The following SORCS2 variants were observed in gnomAD, a reference collection of about 807,000 sequenced individuals.
The protein encoded by SORCS2 is VPS10 domain-containing receptor SorCS2.
Under a neutral mutation model 141.6 loss-of-function variants are expected in SORCS2, and 100 were observed. That is an observed-to-expected ratio of 0.71 (90% CI 0.60 to 0.83). The LOEUF is 0.83. Among genes scored for constraint, SORCS2 ranks in the 40% least tolerant of loss-of-function variants. The pLI, the probability that SORCS2 is intolerant of heterozygous loss-of-function variation, is 0.00. For synonymous variants in SORCS2, 789 were observed against 676.9 expected, an observed-to-expected ratio of 1.17 and a Z score of -2.57; for missense variants, 1,646 against 1,560.2, an observed-to-expected ratio of 1.05 and a Z score of -0.93.
rs115357528 is a variant in SORCS2 at position 7,551,073 on chromosome 4, T to C, written c.648+19444T>C. ...CTGGATTTGTCCAGGGAAGGCCACT[T>C]TGTTCCTAGAAGTTCTGCCTAGCCC... On this transcript the variant is annotated intron_variant, in intron 3 of 26. Transcript: ENST00000507866. Among the ~76,000 whole-genome samples, 551 of 152,346 alleles carry C rather than the reference T, an allele frequency of 3.6e-3. 6 individuals are homozygous for C. The highest frequency in any genetic ancestry group is 0.013 in the African/African-American group (526 of 41,570).
At chr4:7,199,090 G>C (rs1420571296) in intron 1 of SORCS2, among the ~76,000 whole-genome samples, 2 of 152,198 alleles carry the variant, frequency 1.3e-5, no homozygotes, top group Non-Finnish European at 2.9e-5. Flanking sequence ...CCATCCTTCT[G>C]ATTCTCCTGT....
At chr4:7,244,274 G>A (rs1026542769) in intron 1 of SORCS2, among the ~76,000 whole-genome samples, 1 of 152,184 alleles carries the variant, frequency 6.6e-6, no homozygotes, top group Non-Finnish European at 1.5e-5. Context: ...AGCTTGGGGG[G>A]TGAGTTTCTC....
At chr4:7,666,433 G>A (rs890933241) in intron 7 of SORCS2, among the ~76,000 whole-genome samples, 1 of 152,120 alleles carries the variant, frequency 6.6e-6, no homozygotes, top group African/African-American at 2.4e-5. Flanking sequence ...CCCAGCCCAG[G>A]CCTCCCCTGC....
At chr4:7,210,587 C>G (rs1031988102) in intron 1 of SORCS2, among the ~76,000 whole-genome samples, 2 of 152,164 alleles carry the variant, frequency 1.3e-5, no homozygotes, top group Non-Finnish European at 2.9e-5. Flanking sequence ...GGATCAAACG[C>G]TTGACCTTGA....
At chr4:7,726,412 A>C (rs1158201043) in intron 20 of SORCS2, among the ~76,000 whole-genome samples, 1 of 152,102 alleles carries the variant, frequency 6.6e-6, no homozygotes, top group African/African-American at 2.4e-5. Flanking sequence ...GTCTCTACTA[A>C]AAATACAAAA....
chr4:7,338,130 G>T (rs1560203214), intron 1 of SORCS2, among the ~76,000 whole-genome samples: 1 of 151,740 alleles, frequency 6.6e-6, no homozygotes, highest in African/African-American at 2.4e-5. Context: ...TGGATGGATG[G>T]ATGGATGTTG....
intron 14 of SORCS2, 141 bp from the exon 15 acceptor site, chr4:7,712,592 T>C: frequency 7.8e-7 from 1 of 1,274,378 alleles, no homozygotes; most frequent in South Asian, 1.4e-5. Context: ...AGCCTCGCTC[T>C]GATCTCCAGC....
At chr4:7,628,316 A>T (rs569439719) in intron 3 of SORCS2, among the ~76,000 whole-genome samples, 13 of 152,200 alleles carry the variant, frequency 8.5e-5, no homozygotes, top group African/African-American at 3.1e-4. Context: ...AGGTCAGGAG[A>T]TCCAGACCAT....
At chr4:7,267,905 C>T (rs994572336) in intron 1 of SORCS2, among the ~76,000 whole-genome samples, 7 of 152,252 alleles carry the variant, frequency 4.6e-5, no homozygotes, top group Non-Finnish European at 7.3e-5. Flanking sequence ...ATGAGACGAG[C>T]AGCTCCTGTT....
chr4:7,359,932 C>T (rs1288886783), intron 1 of SORCS2, among the ~76,000 whole-genome samples: 2 of 152,144 alleles, frequency 1.3e-5, no homozygotes, highest in African/African-American at 4.8e-5. Context: ...TGCTGCTCTT[C>T]ACGGGGAAAG....
rs571355563 is a variant in SORCS2 at position 7,498,771 on chromosome 4, G to A, written c.549-32759G>A. ...TGCCTACTGGGTGTCAGGGCTGCCC[G>A]GGAGCTGGGAATGCCAGCATGAGCA... On this transcript the variant is annotated intron_variant, in intron 2 of 26. Transcript: ENST00000507866. Among the ~76,000 whole-genome samples the A allele has an allele frequency of 4.8e-4, 73 of 152,366 alleles. No individual in the cohort carries two copies. In the South Asian group the frequency reaches 7.7e-3, roughly 16 times the overall value.
At chr4:7,708,731 A>G (rs1382805343) in intron 14 of SORCS2, among the ~76,000 whole-genome samples, 1 of 152,188 alleles carries the variant, frequency 6.6e-6, no homozygotes, top group African/African-American at 2.4e-5. Context: ...ACGTGACTTC[A>G]GGCCATTCTC....
chr4:7,725,048 T>C (rs1727114367), intron 19 of SORCS2, 106 bp from the exon 20 acceptor site: 1 of 1,225,998 alleles, frequency 8.2e-7, no homozygotes, highest in Non-Finnish European at 1.1e-6. Context: ...GTAGTGGTGG[T>C]GGTGATGATA....
At chr4:7,590,821 G>A (rs557059218) in intron 3 of SORCS2, among the ~76,000 whole-genome samples, 21 of 152,220 alleles carry the variant, frequency 1.4e-4, no homozygotes, top group Non-Finnish European at 2.8e-4. Context: ...CTGGCCTCCA[G>A]AATTGTAAGA....
intron 2 of SORCS2, among the ~76,000 whole-genome samples, chr4:7,477,377 CGTGGCTGATTGGGGCTGACATGGCTGACT>C (rs1251071925): frequency 1.3e-4 from 18 of 136,562 alleles, no homozygotes; most frequent in Non-Finnish European, 2.8e-4. Context: ...CGTGGCTGAC[CGTGGCTGATTGGGGCTGACATGGCTGACT>C]GGGGCTGACC....
At chr4:7,297,086 T>TG (rs35236907) in intron 1 of SORCS2, among the ~76,000 whole-genome samples, 40,916 of 151,912 alleles carry the variant, frequency 0.27, 6,156 homozygotes, top group Admixed American at 0.4. Context: ...TCAGAGTGCC[T>TG]GGGGGGGTCC....
intron 1 of SORCS2, among the ~76,000 whole-genome samples, chr4:7,290,027 C>T (rs911446501): frequency 3.3e-5 from 5 of 152,184 alleles, no homozygotes; most frequent in African/African-American, 9.7e-5. Context: ...GGACTCCACA[C>T]GGGAGGGCTG....
At chr4:7,523,570 G>C (rs992615712) in intron 2 of SORCS2, among the ~76,000 whole-genome samples, 2 of 151,984 alleles carry the variant, frequency 1.3e-5, no homozygotes, top group African/African-American at 4.8e-5. Context: ...AGGCCCAGCT[G>C]TCTGATATGG....
At chr4:7,359,032 G>T (rs1721426091) in intron 1 of SORCS2, among the ~76,000 whole-genome samples, 1 of 152,234 alleles carries the variant, frequency 6.6e-6, no homozygotes. Flanking sequence ...GCCAGGTGCA[G>T]TGGCTGTAAT....
Sources: gnomAD v4.1 joint callset for allele counts (sites outside exome capture counted in the v4.1 genomes callset) on GRCh38, gnomAD v4.1.1 for gene constraint, MANE v1.5 for transcripts, NCBI Gene and HGNC (gene_info 2026-07-23, HGNC 2026-07-21) for gene names.